REV3L: variants seen among roughly 807,000 people sequenced by gnomAD.
The protein encoded by REV3L is REV3 like, DNA directed polymerase zeta catalytic subunit, also known as DNA polymerase zeta catalytic subunit.
In REV3L, 69 loss-of-function variants were observed where a neutral mutation model predicts 299.4. That is an observed-to-expected ratio of 0.23 (90% CI 0.19 to 0.28). REV3L has a LOEUF of 0.28. REV3L is among the 10% of genes least tolerant of loss of function. The pLI, the probability that REV3L is intolerant of heterozygous loss-of-function variation, is 1.00. For synonymous variants in REV3L, 1,238 were observed against 1,271.4 expected (o/e 0.97, Z 0.56); for missense variants, 3,128 against 3,693.8 (o/e 0.85, Z 3.97).
chr6:111,318,099 T>C (rs900920502), intron 26 of REV3L, among the ~76,000 whole-genome samples: 1 of 151,908 alleles, frequency 6.6e-6, no homozygotes, highest in Non-Finnish European at 1.5e-5. Context: ...TTTTCTTTTT[T>C]TTTTTTGAGA....
At chr6:111,342,667 C>CA (rs35815203) in intron 21 of REV3L, among the ~76,000 whole-genome samples, 55,105 of 122,678 alleles carry the variant, frequency 0.45, 12,920 homozygotes, top group Non-Finnish European at 0.56. Context: ...GACTCTGTCT[C>CA]AAAAAAAAAA....
intron 20 of REV3L, 97 bp from the exon 21 acceptor site, chr6:111,344,140 T>G: frequency 1.4e-6 from 1 of 726,348 alleles, no homozygotes; most frequent in East Asian, 2.7e-5. Context: ...CTTTTCATAG[T>G]AGATATTAAA....
At chr6:111,403,137 C>A (rs1341755334) in intron 4 of REV3L, among the ~76,000 whole-genome samples, 3 of 152,036 alleles carry the variant, frequency 2.0e-5, no homozygotes, top group Non-Finnish European at 4.4e-5. Context: ...TAGGAAAAAA[C>A]CCCACATATT....
chr6:111,483,472 C>T (rs1296422495), upstream of REV3L: 30 of 469,964 alleles, frequency 6.4e-5, no homozygotes, highest in Non-Finnish European at 1.1e-4. Flanking sequence ...TGAGGGGCAG[C>T]GGAAGGGGCG....
At chr6:111,451,291 G>A (rs937184901) in intron 1 of REV3L, among the ~76,000 whole-genome samples, 3 of 152,130 alleles carry the variant, frequency 2.0e-5, no homozygotes, top group Non-Finnish European at 4.4e-5. Flanking sequence ...AACTGGTTTT[G>A]TCACTCGCAT....
intron 31 of REV3L, among the ~76,000 whole-genome samples, 183 bp downstream of exon 31, chr6:111,307,178 T>C (rs1772406216): frequency 6.6e-6 from 1 of 152,182 alleles, no homozygotes; most frequent in African/African-American, 2.4e-5. Context: ...AAAAAATAAA[T>C]TATAAAACAA....
chr6:111,416,933 T>G (rs1320324283), intron 1 of REV3L, among the ~76,000 whole-genome samples: 1 of 151,582 alleles, frequency 6.6e-6, no homozygotes, highest in East Asian at 1.9e-4. Context: ...GAAAGGGGAA[T>G]GTAAAAGCAG....
At chr6:111,363,049 C>A (rs1384124679) in intron 16 of REV3L, among the ~76,000 whole-genome samples, 1 of 152,082 alleles carries the variant, frequency 6.6e-6, no homozygotes, top group Admixed American at 6.6e-5. Flanking sequence ...TTACAGTGAC[C>A]CATTCACATA....
intron 4 of REV3L, among the ~76,000 whole-genome samples, chr6:111,394,667 T>C (rs950674715): frequency 6.6e-6 from 1 of 152,058 alleles, no homozygotes; most frequent in African/African-American, 2.4e-5. Flanking sequence ...AGCCATAAAA[T>C]TTTTTCCCAG....
chr6:111,469,092 G>A (rs1450276190), intron 1 of REV3L, among the ~76,000 whole-genome samples: 1 of 152,156 alleles, frequency 6.6e-6, no homozygotes, highest in Non-Finnish European at 1.5e-5. Context: ...AACCCAGGAG[G>A]TGAAGGTGGC....
rs376133263 is a variant in REV3L, at chr6:111,373,136, C to T, written c.5219G>A (p.Arg1740His). ...AAAGCTATTTTTCCACTGGTTGTGG[C>T]GACGATTCTCATTGCTATCTATGGT... is the stretch of plus-strand genomic sequence containing the variant. ...KSTIDSNENR[R>H]HNQWKNSFHP... Residue 1740 changes from arginine (R) to histidine (H), a missense_variant, in exon 13 of 32, where the codon CGC (arginine) becomes CAC (histidine). Transcript: ENST00000368802. 74 of 1,613,986 alleles carry T rather than the reference C, an allele frequency of 4.6e-5. No homozygotes were observed. Among genetic ancestry groups the T allele is most frequent in the Admixed American group, 6.7e-5 (4 of 60,002 alleles).
chr6:111,341,728 G>T (rs1776501992), intron 21 of REV3L, among the ~76,000 whole-genome samples: 1 of 150,494 alleles, frequency 6.6e-6, no homozygotes. Flanking sequence ...GCACAGGAGA[G>T]AAAGGGAGCT....
At chr6:111,454,104 CT>C (rs77126470) in intron 1 of REV3L, among the ~76,000 whole-genome samples, 7,907 of 142,984 alleles carry the variant, frequency 0.055, 617 homozygotes, top group African/African-American at 0.18. Flanking sequence ...TAATTTCAAA[CT>C]TTTTTTTTTT....
intron 2 of REV3L, among the ~76,000 whole-genome samples, chr6:111,413,199 T>C (rs1405563401): frequency 6.6e-6 from 1 of 152,158 alleles, no homozygotes; most frequent in African/African-American, 2.4e-5. Flanking sequence ...ATTTTTCATA[T>C]ATACAAAGGT....
chr6:111,382,507 A>G (rs567935623), intron 9 of REV3L, among the ~76,000 whole-genome samples: 2 of 152,314 alleles, frequency 1.3e-5, no homozygotes, highest in African/African-American at 4.8e-5. Flanking sequence ...GCGACACGGT[A>G]TAGAATTTAG....
chr6:111,461,414 G>T (rs1045750171), intron 1 of REV3L, among the ~76,000 whole-genome samples: 3 of 152,036 alleles, frequency 2.0e-5, no homozygotes, highest in South Asian at 2.1e-4. Context: ...CTAAGTTATT[G>T]TAAGAGAGTA....
intron 3 of REV3L, among the ~76,000 whole-genome samples, chr6:111,410,352 G>GA (rs1784119738): frequency 6.6e-6 from 1 of 152,212 alleles, no homozygotes; most frequent in South Asian, 2.1e-4. Flanking sequence ...TGGTTGCAAG[G>GA]AAAAAAATTG....
chr6:111,478,784 G>A (rs1424612911), intron 1 of REV3L, among the ~76,000 whole-genome samples: 1 of 152,074 alleles, frequency 6.6e-6, no homozygotes, highest in African/African-American at 2.4e-5. Flanking sequence ...TTGATTTCAT[G>A]GCTAACAGTA....
In REV3L at chr6:111,356,985, C is replaced by A. The variant is rs752830668; in HGVS notation, c.7184+29G>T. 14 of 1,248,638 alleles carry A rather than the reference C, an allele frequency of 1.1e-5. 2 individuals carry two copies. The South Asian group carries it at 1.7e-4, about 15-fold the overall frequency. 77.3% of individuals were successfully genotyped at this position (1,248,638 alleles called of 1,614,324 possible). A position where few individuals can be genotyped will look rare whatever the true frequency, so the allele number is the denominator to read the frequency against. On this transcript the variant is annotated intron_variant, in intron 18 of 31. Coordinates refer to ENST00000368802, the MANE Select transcript of REV3L (RefSeq NM_001372078.1). ...GCATGAAACGACTCTCTGAATAAAA[C>A]TGGAAAAATCAGATATACAAAACAA...
Sources: allele counts gnomAD v4.1 joint callset (sites outside exome capture counted in the v4.1 genomes callset), GRCh38; gene constraint gnomAD v4.1.1; transcripts MANE v1.5; gene names NCBI Gene and HGNC (gene_info 2026-07-23, HGNC 2026-07-21).